The following NAALADL2 variants were observed in gnomAD, a reference collection of about 807,000 sequenced individuals.
The protein encoded by NAALADL2 is inactive N-acetylated-alpha-linked acidic dipeptidase-like protein 2.
Under a neutral mutation model 87.2 loss-of-function variants are expected in NAALADL2, and 76 were observed. That is an observed-to-expected ratio of 0.87 (90% CI 0.72 to 1.05). The LOEUF is 1.05. Ranked by LOEUF, NAALADL2 falls within the 50% of genes least tolerant of loss-of-function variation. The pLI, the probability that NAALADL2 is intolerant of heterozygous loss-of-function variation, is 0.00. For missense variants in NAALADL2, 1,089 were observed against 945.8 expected (o/e 1.15, Z -1.99); for synonymous variants, 354 against 331.0 (o/e 1.07, Z -0.75).
rs190181686 is a variant in NAALADL2 at position 175,021,616 on chromosome 3, A to G, written c.44-75174A>G. Among the ~76,000 whole-genome samples the G allele has an allele frequency of 1.9e-4, 29 of 152,198 alleles. No individual in the cohort carries two copies. In the East Asian group the frequency reaches 5.4e-3, roughly 29 times the overall value. ...GAAGTCAAACTGCCAAGTCTTTTCC[A>G]CACAATCTTACCCTCATTTGCAATC... On this transcript the variant is annotated intron_variant, in intron 1 of 13. Coordinates refer to ENST00000454872, the MANE Select transcript of NAALADL2 (RefSeq NM_207015.3).
At chr3:174,688,818 C>T (rs554475142) in intron 2 of NAALADL2, among the ~76,000 whole-genome samples, 1 of 152,012 alleles carries the variant, frequency 6.6e-6, no homozygotes, top group East Asian at 1.9e-4. Context: ...AAAGACTTGC[C>T]TTGGTAGATC....
chr3:175,466,493 G>T (rs1166863614), intron 7 of NAALADL2, among the ~76,000 whole-genome samples: 2 of 152,062 alleles, frequency 1.3e-5, no homozygotes, highest in Admixed American at 1.3e-4. Context: ...AAAGGAGAGG[G>T]CCTAAAATTT....
chr3:174,549,587 G>A (rs1156772703), intron 1 of NAALADL2, among the ~76,000 whole-genome samples: 1 of 152,154 alleles, frequency 6.6e-6, no homozygotes, highest in Non-Finnish European at 1.5e-5. Flanking sequence ...TCACAATCTA[G>A]GAGGAACATG....
At chr3:174,605,421 AG>A (rs1419673660) in intron 2 of NAALADL2, among the ~76,000 whole-genome samples, 1 of 152,192 alleles carries the variant, frequency 6.6e-6, no homozygotes, top group East Asian at 1.9e-4. Context: ...AGTCAAAGAA[AG>A]GGGTGACAGA....
At chr3:175,578,325 G>C (rs1441561911) in intron 10 of NAALADL2, among the ~76,000 whole-genome samples, 1 of 151,984 alleles carries the variant, frequency 6.6e-6, no homozygotes, top group Non-Finnish European at 1.5e-5. Context: ...GGGGATGGTG[G>C]GGAGGGCTGT....
At chr3:175,451,465 T>C (rs571769869) in intron 6 of NAALADL2, among the ~76,000 whole-genome samples, 7 of 152,148 alleles carry the variant, frequency 4.6e-5, no homozygotes, top group Non-Finnish European at 1.0e-4. Context: ...ACCTGACCCA[T>C]TCATTCAACG....
intron 3 of NAALADL2, among the ~76,000 whole-genome samples, chr3:174,740,550 T>C (rs1460648126): frequency 6.6e-6 from 1 of 151,910 alleles, no homozygotes; most frequent in East Asian, 1.9e-4. Flanking sequence ...TTAAGAGTAC[T>C]ATAGCTCCTG....
intron 3 of NAALADL2, among the ~76,000 whole-genome samples, chr3:174,762,746 T>G (rs540542154): frequency 2.0e-5 from 3 of 152,078 alleles, no homozygotes; most frequent in Admixed American, 1.3e-4. Context: ...AACTTACTAT[T>G]TAGAAAATCA....
intron 9 of NAALADL2, among the ~76,000 whole-genome samples, chr3:175,554,348 A>G (rs1181328821): frequency 6.6e-6 from 1 of 152,208 alleles, no homozygotes; most frequent in East Asian, 1.9e-4. Flanking sequence ...ATTTTTAAAA[A>G]TAAGCATTAT....
At position 174,703,303 on chromosome 3, in the gene NAALADL2, C is replaced by CTT. The variant is rs35658602; in HGVS notation, c.-114-34324_-114-34323dup. On this transcript the variant is annotated intron_variant, in intron 2 of 3. Coordinates refer to the NAALADL2 transcript ENST00000434257. ...GACAGGCACATGCTACCATGCCTGG[C>CTT]TTTTTTTTTTTTTTTGTAGAGAAGG... is the stretch of plus-strand genomic sequence containing the variant. Among the ~76,000 whole-genome samples the CTT allele has an allele frequency of 4.7e-3, 577 of 123,190 alleles. 3 individuals carry two copies. The highest frequency in any genetic ancestry group is 0.016 in the African/African-American group (536 of 33,264). The allele number at this position is 123,190 out of a possible 152,430, so 80.8% of individuals were successfully genotyped here.
intron 10 of NAALADL2, among the ~76,000 whole-genome samples, chr3:175,624,708 A>G (rs189324592): frequency 1.3e-5 from 2 of 152,176 alleles, no homozygotes; most frequent in East Asian, 3.9e-4. Flanking sequence ...GATATCAGAG[A>G]TTAGCTTGAA....
At chr3:174,460,265 T>TC (rs1716128042) in intron 1 of NAALADL2, among the ~76,000 whole-genome samples, 1 of 119,148 alleles carries the variant, frequency 8.4e-6, no homozygotes, top group East Asian at 8.5e-4. Flanking sequence ...ATTTGGTTAG[T>TC]TTGTTCATGT....
intron 4 of NAALADL2, among the ~76,000 whole-genome samples, chr3:175,305,250 ATG>A (rs66513736): frequency 0.11 from 16,486 of 148,420 alleles, 2,150 homozygotes; most frequent in African/African-American, 0.33. Context: ...GTGTTTGTGT[ATG>A]TGTGTGTGTG....
At chr3:174,689,397 C>CTTTTTT (rs58366472) in intron 2 of NAALADL2, among the ~76,000 whole-genome samples, 19 of 149,466 alleles carry the variant, frequency 1.3e-4, no homozygotes, top group African/African-American at 4.2e-4. Context: ...CCCGCTTCAC[C>CTTTTTT]TTTTTTTTAC....
At chr3:175,598,544 T>C (rs1304549358) in intron 10 of NAALADL2, among the ~76,000 whole-genome samples, 1 of 152,102 alleles carries the variant, frequency 6.6e-6, no homozygotes, top group Non-Finnish European at 1.5e-5. Context: ...GTAAAGATTA[T>C]TGTCACCATT....
At chr3:175,212,977 A>G (rs1741986433) in intron 2 of NAALADL2, among the ~76,000 whole-genome samples, 1 of 152,150 alleles carries the variant, frequency 6.6e-6, no homozygotes, top group Non-Finnish European at 1.5e-5. Flanking sequence ...GTAGCAGTGC[A>G]TATGGCAGCC....
intron 6 of NAALADL2, chr3:175,460,224 A>G (rs770382742): frequency 2.2e-6 from 1 of 454,952 alleles, no homozygotes; most frequent in South Asian, 1.6e-5. Flanking sequence ...ATTTATTATT[A>G]AAATTTAAAA....
chr3:174,790,893 T>C (rs1272898859), intron 3 of NAALADL2, among the ~76,000 whole-genome samples: 1 of 152,126 alleles, frequency 6.6e-6, no homozygotes, highest in Non-Finnish European at 1.5e-5. Context: ...TTGTGGATAT[T>C]GTTGAGATAC....
At chr3:175,455,755 G>C (rs1266943530) in intron 6 of NAALADL2, among the ~76,000 whole-genome samples, 1 of 151,974 alleles carries the variant, frequency 6.6e-6, no homozygotes, top group Non-Finnish European at 1.5e-5. Context: ...TTGGCATTTA[G>C]GAAAGATAGC....
Sources: allele counts gnomAD v4.1 joint callset (sites outside exome capture counted in the v4.1 genomes callset), GRCh38; gene constraint gnomAD v4.1.1; transcripts MANE v1.5; gene names NCBI Gene and HGNC (gene_info 2026-07-23, HGNC 2026-07-21).